The following TMEM117 variants were observed in gnomAD, a reference collection of about 807,000 sequenced individuals.
TMEM117 encodes transmembrane protein 117.
TMEM117 carries 27 observed loss-of-function variants against 52.4 expected under a neutral mutation model. The ratio of observed to expected loss-of-function variants is 0.51; its 90% confidence interval spans 0.38 to 0.71. The LOEUF (loss-of-function observed/expected upper bound fraction) is 0.71. Among genes scored for constraint, TMEM117 ranks in the 30% least tolerant of loss-of-function variants. TMEM117 has a pLI of 0.00. For synonymous variants in TMEM117, 215 were observed against 206.3 expected (o/e 1.04, Z -0.36); for missense variants, 556 against 630.5 (o/e 0.88, Z 1.26).
At chr12:43,987,551 G>GT (rs753465021) in intron 3 of TMEM117, among the ~76,000 whole-genome samples, 336 of 143,076 alleles carry the variant, frequency 2.3e-3, no homozygotes, top group African/African-American at 3.8e-3. Context: ...CTTTTAGTTA[G>GT]TTTTTTTTTT....
intron 6 of TMEM117, among the ~76,000 whole-genome samples, chr12:44,368,841 A>G (rs1298724702): frequency 6.6e-6 from 1 of 152,134 alleles, no homozygotes; most frequent in African/African-American, 2.4e-5. Context: ...TTCATTCCTT[A>G]TTGGAGGAAC....
At chr12:44,349,865 A>G (rs1258694806) in intron 6 of TMEM117, among the ~76,000 whole-genome samples, 1 of 152,020 alleles carries the variant, frequency 6.6e-6, no homozygotes, top group East Asian at 1.9e-4. Context: ...CTTGCCTTCA[A>G]GTTACTCCAA....
intron 3 of TMEM117, among the ~76,000 whole-genome samples, chr12:44,063,904 T>G (rs1487548813): frequency 6.6e-6 from 1 of 152,268 alleles, no homozygotes; most frequent in East Asian, 1.9e-4. Context: ...ATTAATAGGC[T>G]TGTTCCTTTC....
At chr12:44,284,479 G>A (rs1483092392) in intron 5 of TMEM117, among the ~76,000 whole-genome samples, 2 of 152,170 alleles carry the variant, frequency 1.3e-5, no homozygotes, top group South Asian at 2.1e-4. Flanking sequence ...TGTTGAACTG[G>A]TGAACAATTT....
the TMEM117 span, among the ~76,000 whole-genome samples, chr12:44,398,512 C>T: frequency 2.0e-5 from 3 of 152,060 alleles, no homozygotes; most frequent in Non-Finnish European, 4.4e-5. Flanking sequence ...GGCAGGGTAC[C>T]GGTAGAAAAT....
chr12:44,012,398 T>C (rs1946307391), intron 3 of TMEM117, among the ~76,000 whole-genome samples: 1 of 150,052 alleles, frequency 6.7e-6, no homozygotes, highest in African/African-American at 2.5e-5. Context: ...CTGTTTTTGT[T>C]TTTTTTTTTT....
chr12:44,272,100 A>G (rs1438190367), intron 5 of TMEM117, among the ~76,000 whole-genome samples: 1 of 150,936 alleles, frequency 6.6e-6, no homozygotes, highest in Non-Finnish European at 1.5e-5. Context: ...GTAAGAATGT[A>G]GAAAAAAGTG....
At chr12:44,358,876 A>C (rs901385594) in intron 6 of TMEM117, among the ~76,000 whole-genome samples, 3 of 152,144 alleles carry the variant, frequency 2.0e-5, no homozygotes, top group Admixed American at 2.0e-4. Flanking sequence ...AGTTAGTCCA[A>C]CCCATCTACT....
At position 44,222,571 on chromosome 12, in the gene TMEM117, G is replaced by T. The variant is rs75513703; in HGVS notation, c.608+11184G>T. The stretch of plus-strand genomic sequence containing the variant: ...CTCCCTCCTTAAAGTAGATGCTGGT[G>T]GTATAGGGGAATAAGATCCTTGCTG... On this transcript the variant is annotated intron_variant, in intron 5 of 7. Coordinates refer to ENST00000266534, the MANE Select transcript of TMEM117 (RefSeq NM_032256.3). Among the ~76,000 whole-genome samples the T allele has an allele frequency of 2.0e-3, 301 of 152,172 alleles. 4 individuals carry two copies. In the East Asian group the frequency reaches 0.045, roughly 23 times the overall value.
At chr12:43,872,172 T>C (rs946414989) in intron 2 of TMEM117, among the ~76,000 whole-genome samples, 2 of 152,360 alleles carry the variant, frequency 1.3e-5, no homozygotes, top group Admixed American at 1.3e-4. Flanking sequence ...CCTGCCTTTT[T>C]AGCGGAGTGA....
At chr12:44,236,832 G>A (rs921128121) in intron 5 of TMEM117, among the ~76,000 whole-genome samples, 1 of 152,066 alleles carries the variant, frequency 6.6e-6, no homozygotes, top group Non-Finnish European at 1.5e-5. Context: ...AACCCAGAAT[G>A]AAGTAATAAA....
chr12:43,868,121 C>G (rs1438110756), intron 2 of TMEM117, among the ~76,000 whole-genome samples: 7 of 151,012 alleles, frequency 4.6e-5, no homozygotes, highest in Admixed American at 1.3e-4. Context: ...CAGACACACA[C>G]TCTGTCTGCT....
chr12:44,396,705 T>A, the TMEM117 span, among the ~76,000 whole-genome samples: 5 of 151,850 alleles, frequency 3.3e-5, no homozygotes, highest in African/African-American at 7.3e-5. Flanking sequence ...AATATAAAAA[T>A]TAGCCTGGTG....
intron 4 of TMEM117, among the ~76,000 whole-genome samples, chr12:44,155,945 T>C (rs577998860): frequency 1.3e-5 from 2 of 152,152 alleles, no homozygotes; most frequent in East Asian, 1.9e-4. Flanking sequence ...TATCGCACCC[T>C]TAAACTTATC....
intron 7 of TMEM117, among the ~76,000 whole-genome samples, chr12:44,384,929 T>TA (rs1952068259): frequency 1.3e-5 from 2 of 152,184 alleles, no homozygotes; most frequent in Admixed American, 1.3e-4. Flanking sequence ...TTGAGGTAGT[T>TA]ACACTGGTAT....
chr12:44,110,350 G>C (rs1473319357), intron 3 of TMEM117, among the ~76,000 whole-genome samples: 4 of 124,154 alleles, frequency 3.2e-5, no homozygotes, highest in Admixed American at 8.5e-5. Context: ...GTTTGTCATA[G>C]ATAGCTCTTA....
At chr12:44,376,570 G>A in intron 6 of TMEM117, 25 bp from the exon 7 acceptor site, 1 of 1,583,334 alleles carries the variant, frequency 6.3e-7, no homozygotes, top group African/African-American at 1.4e-5. Flanking sequence ...AATCACAAAT[G>A]TTTTTATTTG....
rs553455707 is a variant in TMEM117 at position 44,135,646 on chromosome 12, A to G, written c.411-7879A>G. On this transcript the variant is annotated intron_variant, in intron 3 of 7. Transcript: ENST00000266534. Reference sequence around the variant, plus strand: ...AAGATGGACGAAAAGAAGAAAGGGAAGAAGAAGGAGGAGGAGAGAGAAGAG... The same window carrying G: ...AAGATGGACGAAAAGAAGAAAGGGAGGAAGAAGGAGGAGGAGAGAGAAGAG... Among the ~76,000 whole-genome samples the G allele has an allele frequency of 9.0e-4, 137 of 152,198 alleles. 1 individual carries two copies. The highest frequency in any genetic ancestry group is 2.9e-3 in the African/African-American group (119 of 41,552).
At chr12:43,837,439 C>T (rs536085059) in intron 1 of TMEM117, among the ~76,000 whole-genome samples, 11 of 152,210 alleles carry the variant, frequency 7.2e-5, no homozygotes, top group Admixed American at 6.5e-4. Flanking sequence ...CTCCGCCTCC[C>T]GGGTTCAAGG....
Sources: allele counts gnomAD v4.1 joint callset (sites outside exome capture counted in the v4.1 genomes callset), GRCh38; gene constraint gnomAD v4.1.1; transcripts MANE v1.5; gene names NCBI Gene and HGNC (gene_info 2026-07-23, HGNC 2026-07-21).